VWA5B1: variants seen among roughly 807,000 people sequenced by gnomAD.
The protein encoded by VWA5B1 is von Willebrand factor A domain-containing protein 5B1.
VWA5B1 carries 115 observed loss-of-function variants against 118.2 expected under a neutral mutation model. The observed-to-expected ratio is 0.97, with a 90% CI of 0.84 to 1.14. The LOEUF is 1.14. Among genes scored for constraint, VWA5B1 ranks in the 50% most tolerant of loss-of-function variants. VWA5B1 has a pLI of 0.00. For missense variants in VWA5B1, 1,596 were observed against 1,603.8 expected (o/e 1.00, Z 0.08); for synonymous variants, 682 against 658.4 (o/e 1.04, Z -0.55).
At chr1:20,342,260 G>A (rs548189226) in intron 14 of VWA5B1, among the ~76,000 whole-genome samples, 172 bp from the exon 15 acceptor site, 2 of 151,634 alleles carry the variant, frequency 1.3e-5, no homozygotes, top group South Asian at 4.2e-4. Flanking sequence ...CCTGAGTACT[G>A]GAGGGGCAGT....
intron 1 of VWA5B1, among the ~76,000 whole-genome samples, chr1:20,295,508 C>T (rs374392351): frequency 6.6e-6 from 1 of 152,138 alleles, no homozygotes; most frequent in East Asian, 1.9e-4. Context: ...GTCTGAAAAC[C>T]CTTTGCTAGA....
chr1:20,312,703 G>C, intron 2 of VWA5B1, 133 bp from the exon 3 acceptor site: 1 of 1,257,872 alleles, frequency 7.9e-7, no homozygotes. Flanking sequence ...GCTCTCTGCC[G>C]AGGCCTCTCG....
At chr1:20,308,599 G>T (rs2088741318) in intron 1 of VWA5B1, among the ~76,000 whole-genome samples, 1 of 152,154 alleles carries the variant, frequency 6.6e-6, no homozygotes, top group Admixed American at 6.5e-5. Context: ...GCCAGGCTTT[G>T]CTCTGGCCAC....
At chr1:20,351,198 C>T (rs138708460) in intron 20 of VWA5B1, among the ~76,000 whole-genome samples, 6 of 152,324 alleles carry the variant, frequency 3.9e-5, no homozygotes, top group Non-Finnish European at 5.9e-5. Flanking sequence ...CTTCTGACCA[C>T]TGGACTGGAC....
At chr1:20,298,751 G>A (rs768396474) in intron 1 of VWA5B1, among the ~76,000 whole-genome samples, 10 of 152,102 alleles carry the variant, frequency 6.6e-5, no homozygotes, top group African/African-American at 2.4e-4. Context: ...GCTGGCTGAC[G>A]AGGGGGACTC....
chr1:20,310,476 A>C (rs1016383808), intron 1 of VWA5B1, 100 bp from the exon 2 acceptor site: 11 of 1,185,874 alleles, frequency 9.3e-6, no homozygotes, highest in Non-Finnish European at 1.2e-5. Flanking sequence ...AATGAAAACA[A>C]TGATGCTCTG....
chr1:20,330,806 C>G lies in VWA5B1; in HGVS notation c.1458-63C>G, dbSNP rs529313544. 358 of 1,458,096 alleles carry G rather than the reference C, an allele frequency of 2.5e-4. 9 individuals are homozygous for G. The South Asian group carries it at 4.1e-3, about 17-fold the overall frequency. The allele number at this position is 1,458,096 out of a possible 1,614,324, so 90.3% of individuals were successfully genotyped here. ...CCAGACCATGCTCTGTCCCTTTCTG[C>G]ATCAGGAGGCAAAGATGCAGAGAGG... On this transcript the variant is annotated intron_variant, in intron 10 of 21. Transcript: ENST00000289815.
intron 20 of VWA5B1, among the ~76,000 whole-genome samples, chr1:20,351,324 G>A (rs1426765533): frequency 1.3e-5 from 2 of 151,678 alleles, no homozygotes; most frequent in Admixed American, 6.6e-5. Flanking sequence ...TTCGAGACCA[G>A]CCTGCGCAAC....
intron 6 of VWA5B1, among the ~76,000 whole-genome samples, 167 bp downstream of exon 6, chr1:20,318,888 A>C (rs2089116924): frequency 6.6e-6 from 1 of 152,050 alleles, no homozygotes; most frequent in African/African-American, 2.4e-5. Context: ...CCTTCTGGGA[A>C]AGTTGGCTCT....
At position 20,359,123 on chromosome 1, in the gene VWA5B1, T is replaced by C. The variant is rs1409892172; in HGVS notation, c.*4860T>C. On this transcript the variant is annotated 3_prime_UTR_variant, in exon 22 of 22. Coordinates refer to ENST00000289815, the MANE Select transcript of VWA5B1 (RefSeq NM_001039500.3). ...AGCTTACAGCCACGTCCCAACGCAATGCGCCTCATCTCAATGCCGCTGACT... is the reference window on the plus strand; with the variant it reads ...AGCTTACAGCCACGTCCCAACGCAACGCGCCTCATCTCAATGCCGCTGACT... Among the ~76,000 whole-genome samples, 1 of 152,244 alleles carries C rather than the reference T, an allele frequency of 6.6e-6. No homozygotes were observed. The highest frequency in any genetic ancestry group is 1.5e-5 in the Non-Finnish European group (1 of 68,052).
chr1:20,336,420 G>A lies in VWA5B1; in HGVS notation c.1876G>A (p.Ala626Thr). 6.6e-7 allele frequency: 1 copy of A among 1,520,690 alleles called. No individual in the cohort carries two copies. The highest frequency in any genetic ancestry group is 8.8e-7 in the Non-Finnish European group (1 of 1,130,860). The allele number at this position is 1,520,690 out of a possible 1,614,324, so 94.2% of individuals were successfully genotyped here. A position where few individuals can be genotyped will look rare whatever the true frequency, so the allele number is the denominator to read the frequency against. Reference sequence around the variant, plus strand: ...TGGAGACTGTGCCAAGAACTCGGGGGCACCCTTCATCCTAGGGCAGGCCAA... The same window carrying A: ...TGGAGACTGTGCCAAGAACTCGGGGACACCCTTCATCCTAGGGCAGGCCAA... ...EGGDCAKNSGAPFILGQAKNA... is the reference protein window; with the variant it reads ...EGGDCAKNSGTPFILGQAKNA... Residue 626 changes from alanine to threonine, a missense_variant, in exon 13 of 22, where the codon GCA (alanine) becomes ACA (threonine). Transcript: ENST00000289815.
chr1:20,349,831 A>G (rs549976710), intron 18 of VWA5B1, among the ~76,000 whole-genome samples: 13 of 146,874 alleles, frequency 8.9e-5, no homozygotes, highest in African/African-American at 3.3e-4. Context: ...ATCTCATTTC[A>G]TCTTTACAAC....
At position 20,353,999 on chromosome 1, in the gene VWA5B1, G is replaced by T. The variant is rs762073313; in HGVS notation, c.3384G>T (p.Glu1128Asp). 7 of 1,551,760 alleles carry T rather than the reference G, an allele frequency of 4.5e-6. No homozygotes were observed. In the South Asian group the frequency reaches 8.3e-5, roughly 18 times the overall value. The change falls in exon 22 of 22, where the codon GAG (glutamate) becomes GAT (aspartate). Residue 1128 changes from glutamate (E) to aspartate (D), a missense_variant. Transcript: ENST00000289815. The part of the protein sequence containing the change: ...EPLAKGKLGL[E>D]PRAVVEHTGK... ...TGGCCAAGGGCAAGCTGGGCCTGGA[G>T]CCGAGGGCAGTGGTGGAGCACACTG...
chr1:20,304,152 G>A (rs2088577381), intron 1 of VWA5B1, among the ~76,000 whole-genome samples: 1 of 152,184 alleles, frequency 6.6e-6, no homozygotes, highest in Non-Finnish European at 1.5e-5. Flanking sequence ...ACAGCCCCAT[G>A]GGAAGTTAAA....
At chr1:20,302,495 C>T (rs1045665755) in intron 1 of VWA5B1, among the ~76,000 whole-genome samples, 4 of 152,210 alleles carry the variant, frequency 2.6e-5, no homozygotes, top group Non-Finnish European at 5.9e-5. Flanking sequence ...GAGTCTCCTG[C>T]CTCAAGTTCT....
rs775288920 is a variant in VWA5B1 at position 20,332,867 on chromosome 1, C to G, written c.1674C>G (p.Ser558Arg). Residue 558 changes from serine to arginine, a missense_variant, in exon 12 of 22, where the codon AGC (serine) becomes AGG (arginine). Coordinates refer to ENST00000289815, the MANE Select transcript of VWA5B1 (RefSeq NM_001039500.3). ...CTGAGGTCCTGGTCTCACCCGTCAGCGCCAGCTCCCTCTTCCCTGGAGAAC... is the reference window on the plus strand; with the variant it reads ...CTGAGGTCCTGGTCTCACCCGTCAGGGCCAGCTCCCTCTTCCCTGGAGAAC... ...ETTEVLVSPVSASSLFPGERL... is the reference protein window; with the variant it reads ...ETTEVLVSPVRASSLFPGERL... 1 of 1,551,912 alleles carries G rather than the reference C, an allele frequency of 6.4e-7. No homozygotes were observed. The highest frequency in any genetic ancestry group is 1.2e-5 in the South Asian group (1 of 84,058).
At chr1:20,337,884 A>G (rs1281114412) in intron 14 of VWA5B1, 48 bp downstream of exon 14, 1 of 1,550,606 alleles carries the variant, frequency 6.4e-7, no homozygotes, top group East Asian at 2.4e-5. Context: ...GGCGACAGGC[A>G]GGGGAGAGCT....
chr1:20,302,746 G>T (rs1165459269), intron 1 of VWA5B1, among the ~76,000 whole-genome samples: 1 of 152,204 alleles, frequency 6.6e-6, no homozygotes, highest in Non-Finnish European at 1.5e-5. Context: ...CCCCGAGAAG[G>T]CTCCATGGAG....
intron 1 of VWA5B1, among the ~76,000 whole-genome samples, chr1:20,299,665 G>C (rs1353469808): frequency 1.3e-5 from 2 of 152,310 alleles, no homozygotes; most frequent in African/African-American, 4.8e-5. Context: ...CAGCCTCCCA[G>C]AGTGCTGGGA....
Sources: gnomAD v4.1 joint callset for allele counts (sites outside exome capture counted in the v4.1 genomes callset) on GRCh38, gnomAD v4.1.1 for gene constraint, MANE v1.5 for transcripts, NCBI Gene and HGNC (gene_info 2026-07-23, HGNC 2026-07-21) for gene names.